The following RELN variants were observed in gnomAD, a reference collection of about 807,000 sequenced individuals.
RELN encodes the protein reelin.
RELN carries 108 observed loss-of-function variants against 427.6 expected under a neutral mutation model. The ratio of observed to expected loss-of-function variants is 0.25; its 90% CI spans 0.22 to 0.30. The LOEUF (loss-of-function observed/expected upper bound fraction) is 0.30. RELN is among the 10% of genes least tolerant of loss of function. The pLI is 1.00. For missense variants in RELN, 3,715 were observed against 4,302.8 expected, an observed-to-expected ratio of 0.86 and a Z score of 3.82; for synonymous variants, 1,524 against 1,513.4, an observed-to-expected ratio of 1.01 and a Z score of -0.16.
intron 10 of RELN, among the ~76,000 whole-genome samples, chr7:103,693,805 T>C (rs1474400810): frequency 6.6e-6 from 1 of 152,152 alleles, no homozygotes; most frequent in African/African-American, 2.4e-5. Flanking sequence ...TGCCAGGCAG[T>C]TGGCTACATT....
At chr7:103,835,950 T>G (rs1510848) in intron 2 of RELN, among the ~76,000 whole-genome samples, 118,996 of 148,100 alleles carry the variant, frequency 0.8, 47,846 homozygotes, top group South Asian at 0.88. Flanking sequence ...AACTCTCAAT[T>G]ACCCTTTTTT....
Position 103,519,402 on chromosome 7 carries a change from G to A in RELN, c.7783C>T (p.Leu2595Phe). The A allele has an allele frequency of 6.2e-7, 1 of 1,613,462 alleles. No individual in the cohort carries two copies. Among genetic ancestry groups the A allele is most frequent in the Non-Finnish European group, 8.5e-7 (1 of 1,179,432 alleles). The change falls in exon 49 of 65, where the codon CTC becomes TTC. Residue 2595 changes from leucine to phenylalanine, a missense_variant. By Grantham distance (22) the Leu-to-Phe change is conservative. This residue lies in a region of RELN where 1,310 missense variants were observed against 1,643.0 expected (regional missense o/e 0.80). Coordinates refer to ENST00000428762, the MANE Select transcript of RELN (RefSeq NM_005045.4). ...ITPNNRNQGVLLEYSVNGGIT... is the reference protein window; with the variant it reads ...ITPNNRNQGVFLEYSVNGGIT... ...CCTCCATTGACAGAATATTCCAAGA[G>A]AACACCTTGGTTACGGTTGTTTGGT... is the stretch of plus-strand genomic sequence containing the variant.
intron 34 of RELN, among the ~76,000 whole-genome samples, chr7:103,564,825 T>G (rs561467853): frequency 8.7e-4 from 132 of 152,174 alleles, no homozygotes; most frequent in Non-Finnish European, 1.7e-3. Context: ...AACTCTTGAA[T>G]GTGATCTGAA....
chr7:103,644,234 C>T (rs1234358016), intron 16 of RELN, among the ~76,000 whole-genome samples: 1 of 151,700 alleles, frequency 6.6e-6, no homozygotes, highest in Admixed American at 6.6e-5. Flanking sequence ...CATACTAATT[C>T]TGTAAAATGG....
intron 19 of RELN, among the ~76,000 whole-genome samples, chr7:103,634,511 G>C (rs953066710): frequency 1.3e-5 from 2 of 152,026 alleles, no homozygotes; most frequent in Admixed American, 6.6e-5. Context: ...TTGAAAGATA[G>C]CCCAGCTTCA....
intron 3 of RELN, among the ~76,000 whole-genome samples, chr7:103,810,447 AAGG>A (rs746263081): frequency 2.9e-4 from 44 of 152,180 alleles, no homozygotes; most frequent in African/African-American, 1.0e-3. Flanking sequence ...GAACCAGAGG[AAGG>A]AGGAGAAGAC....
intron 2 of RELN, among the ~76,000 whole-genome samples, chr7:103,867,023 T>C (rs979285845): frequency 1.3e-5 from 2 of 152,094 alleles, no homozygotes; most frequent in African/African-American, 4.8e-5. Context: ...CTGTACTGTT[T>C]AAAATTAAGT....
chr7:103,585,645 T>C (rs1831252644), intron 28 of RELN, among the ~76,000 whole-genome samples: 1 of 152,184 alleles, frequency 6.6e-6, no homozygotes, highest in Non-Finnish European at 1.5e-5. Context: ...AGCAGGGCTT[T>C]GTACCAATCT....
chr7:103,978,929 A>C (rs1005145705), intron 1 of RELN, among the ~76,000 whole-genome samples: 1 of 152,244 alleles, frequency 6.6e-6, no homozygotes, highest in African/African-American at 2.4e-5. Flanking sequence ...TGCACATCAG[A>C]GCTACAACTT....
intron 11 of RELN, among the ~76,000 whole-genome samples, chr7:103,678,127 C>G (rs542506854): frequency 1.3e-5 from 2 of 151,732 alleles, no homozygotes; most frequent in Non-Finnish European, 2.9e-5. Flanking sequence ...CTCTTTAGTA[C>G]GAATATTGTG....
rs1195130563 is a variant in RELN, at chr7:103,968,632, TC to T, written c.226+20498del. Reference sequence around the variant, plus strand: ...AAATCTAATCTAACCATCTAGTAATTCTTTTCACTAAGCTATTTCTGCAACT... The same window carrying T: ...AAATCTAATCTAACCATCTAGTAATTTTTTCACTAAGCTATTTCTGCAACT... On this transcript the variant is annotated intron_variant, in intron 1 of 64. Coordinates refer to ENST00000428762, the MANE Select transcript of RELN (RefSeq NM_005045.4). This position sits in a 1 kb window ranked among gnomAD's most constrained non-coding sequence, Gnocchi z 4.3. 6.6e-5 allele frequency among the ~76,000 whole-genome samples: 10 copies of T among 152,226 alleles called. No homozygotes were observed. The highest frequency in any genetic ancestry group is 1.3e-4 in the Non-Finnish European group (9 of 68,036).
rs1486137164 is a variant in RELN, at chr7:103,953,270, C to T, written c.226+35861G>A. Among the ~76,000 whole-genome samples, 4 of 152,168 alleles carry T rather than the reference C, an allele frequency of 2.6e-5. No homozygotes were observed. Among genetic ancestry groups the T allele is most frequent in the Non-Finnish European group, 5.9e-5 (4 of 68,026 alleles). ...GTTGATTGAAAAAGTTAAAATACTG[C>T]CCTACTTGAAACTCACAATAACAAG... On this transcript the variant is annotated intron_variant, in intron 1 of 64. Coordinates refer to ENST00000428762, the MANE Select transcript of RELN (RefSeq NM_005045.4). The surrounding 1 kb of genome is among the most constrained non-coding windows in gnomAD (Gnocchi z 4.3).
chr7:103,550,020 T>A (rs556674932), intron 41 of RELN, among the ~76,000 whole-genome samples: 4 of 152,204 alleles, frequency 2.6e-5, no homozygotes, highest in Non-Finnish European at 5.9e-5. Flanking sequence ...ACTTTTTGCT[T>A]AGTAATGCTT....
chr7:103,804,137 A>C (rs1792537092), intron 3 of RELN, among the ~76,000 whole-genome samples: 1 of 152,102 alleles, frequency 6.6e-6, no homozygotes, highest in East Asian at 1.9e-4. Flanking sequence ...CAATATTTTT[A>C]AATTATTCAT....
intron 1 of RELN, among the ~76,000 whole-genome samples, chr7:103,956,928 G>C (rs1397906816): frequency 1.3e-5 from 2 of 152,158 alleles, no homozygotes; most frequent in Non-Finnish European, 2.9e-5. Context: ...TATTTTTGGT[G>C]TCTTGGGATT....
rs368098458 is a variant in RELN at position 103,824,627 on chromosome 7, AGTGTGTGTGTGTGTGTGT to A, written c.473+8892_473+8909del. ...GTGTTTTCACTTTCTTTCAAAACAG[AGTGTGTGTGTGTGTGTGT>A]GTGTGTGTGTGTGTGTGTGTGTGTG... On this transcript the variant is annotated intron_variant, in intron 3 of 64. Coordinates refer to ENST00000428762, the MANE Select transcript of RELN (RefSeq NM_005045.4). This position sits in a 1 kb window ranked among gnomAD's most constrained non-coding sequence, Gnocchi z 4.4. 8.5e-4 allele frequency among the ~76,000 whole-genome samples: 111 copies of A among 130,970 alleles called. No homozygotes were observed. The highest frequency in any genetic ancestry group is 1.3e-3 in the Non-Finnish European group (82 of 63,084). 85.9% of individuals were successfully genotyped at this position (130,970 alleles called of 152,430 possible).
Position 103,535,385 on chromosome 7 carries a change from T to A in RELN, c.7280A>T (p.Gln2427Leu). ...TNVECSRYHL[Q>L]RILVSDTFNK... ...GAAAGTGTCTGACACCAGGATCCGT[T>A]GCAGATGATAGCGACTGCATTCCAC... The change falls in exon 46 of 65, where the codon CAA becomes CTA. Residue 2427 changes from glutamine to leucine, a missense_variant. By Grantham distance (113) the Gln-to-Leu change is moderately radical (BLOSUM62 -2). This residue lies in a region of RELN where 1,310 missense variants were observed against 1,643.0 expected (regional missense o/e 0.80). Transcript: ENST00000428762. The A allele has an allele frequency of 6.2e-7, 1 of 1,614,114 alleles. No individual in the cohort carries two copies. Among genetic ancestry groups the A allele is most frequent in the Non-Finnish European group, 8.5e-7 (1 of 1,179,990 alleles).
chr7:103,584,775 AC>A (rs2117228210), intron 28 of RELN, among the ~76,000 whole-genome samples: 1 of 152,348 alleles, frequency 6.6e-6, no homozygotes, highest in African/African-American at 2.4e-5. Context: ...TCACTTCTGC[AC>A]ATGGAACATT....
At chr7:103,647,940 A>G (rs1415942022) in intron 16 of RELN, among the ~76,000 whole-genome samples, 4 of 152,104 alleles carry the variant, frequency 2.6e-5, no homozygotes, top group Middle Eastern at 3.2e-3. Context: ...TCAAAAAAAC[A>G]TACACTAGGG....
Sources: gnomAD v4.1 joint callset for allele counts (sites outside exome capture counted in the v4.1 genomes callset) on GRCh38, gnomAD v4.1.1 for gene constraint, gnomAD v4.1.1 regional missense constraint, Gnocchi (gnomAD v3.1) non-coding constraint, MANE v1.5 for transcripts, NCBI Gene and HGNC (gene_info 2026-07-23, HGNC 2026-07-21) for gene names.